Variants in DMXL2 observed in about 807,000 individuals in gnomAD.
DMXL2 encodes the protein Dmx like 2, also known as dmX-like protein 2.
A neutral mutation model predicts 331.1 loss-of-function variants in DMXL2; 103 were observed. The ratio of observed to expected loss-of-function variants is 0.31; its 90% CI spans 0.27 to 0.37. DMXL2 has a LOEUF of 0.37. DMXL2 is among the 10% of genes least tolerant of loss of function. The probability of loss-of-function intolerance (pLI) is 1.00; values close to 1 mark genes in which losing one functional copy is unlikely to be tolerated. For synonymous variants in DMXL2, 1,281 were observed against 1,252.1 expected, an observed-to-expected ratio of 1.02 and a Z score of -0.49; for missense variants, 3,171 against 3,642.9, an observed-to-expected ratio of 0.87 and a Z score of 3.33.
At chr15:51,613,255 G>T (rs989440365) in intron 1 of DMXL2, among the ~76,000 whole-genome samples, 2 of 152,152 alleles carry the variant, frequency 1.3e-5, no homozygotes, top group African/African-American at 4.8e-5. Context: ...TATTGACTGG[G>T]GAAGTGATAA....
chr15:51,514,682 A>G, intron 14 of DMXL2, 123 bp from the exon 15 acceptor site: 1 of 630,352 alleles, frequency 1.6e-6, no homozygotes, highest in Non-Finnish European at 2.7e-6. Flanking sequence ...ATTCTTTACC[A>G]CTACTAATTA....
intron 15 of DMXL2, among the ~76,000 whole-genome samples, chr15:51,512,901 A>T (rs912745438): frequency 3.9e-5 from 6 of 151,926 alleles, no homozygotes; most frequent in Non-Finnish European, 7.4e-5. Flanking sequence ...AACCTACATT[A>T]TGGGAATATG....
At chr15:51,617,305 C>T (rs1365179134) in intron 1 of DMXL2, among the ~76,000 whole-genome samples, 1 of 152,202 alleles carries the variant, frequency 6.6e-6, no homozygotes, top group Non-Finnish European at 1.5e-5. Context: ...AACACCATCA[C>T]ACTGGTCCCA....
intron 1 of DMXL2, among the ~76,000 whole-genome samples, chr15:51,594,907 T>C (rs72623976): frequency 2.6e-5 from 4 of 151,934 alleles, no homozygotes; most frequent in Admixed American, 1.3e-4. Flanking sequence ...ATTGATGGGT[T>C]GTATGTCAAA....
intron 3 of DMXL2, among the ~76,000 whole-genome samples, chr15:51,566,233 GT>G (rs1286388593): frequency 0.021 from 310 of 14,594 alleles, 3 homozygotes; most frequent in African/African-American, 0.08. Context: ...TGTGTGTGGG[GT>G]GTGTGTGTGT....
At chr15:51,486,537 T>C (rs2042407973) in intron 22 of DMXL2, among the ~76,000 whole-genome samples, 200 bp from the exon 23 acceptor site, 1 of 152,124 alleles carries the variant, frequency 6.6e-6, no homozygotes, top group Non-Finnish European at 1.5e-5. Context: ...GCTTCCAAAC[T>C]AGACAGATCA....
intron 1 of DMXL2, among the ~76,000 whole-genome samples, chr15:51,585,496 C>G (rs1217414752): frequency 6.6e-6 from 1 of 151,990 alleles, no homozygotes; most frequent in East Asian, 1.9e-4. Flanking sequence ...TGTTTCCAGT[C>G]TTTTACTATT....
At chr15:51,604,386 ATCCC>A in intron 1 of DMXL2, among the ~76,000 whole-genome samples, 1 of 151,534 alleles carries the variant, frequency 6.6e-6, no homozygotes. Flanking sequence ...TACACTGAAA[ATCCC>A]AAGAGATTTA....
Position 51,536,581 on chromosome 15 carries a change from G to T in DMXL2, c.1899C>A (p.Ala633=). 1 of 1,613,956 alleles carries T rather than the reference G, an allele frequency of 6.2e-7. No individual in the cohort carries two copies. Among genetic ancestry groups the T allele is most frequent in the Non-Finnish European group, 8.5e-7 (1 of 1,179,956 alleles). The stretch of plus-strand genomic sequence containing the variant: ...GAGATACAGTTAGAACAGTGGTAAA[G>T]GCAGACTTATCAGCAAAAGTGACTG... ...QWAVTFADKS[A]FTTVLTVSHK... is the part of the protein sequence containing the mutation. Residue 633 remains alanine (A), a synonymous_variant, in exon 12 of 44, where the codon GCC becomes GCA. Transcript: ENST00000560891.
At chr15:51,568,383 T>C in intron 3 of DMXL2, 104 bp downstream of exon 3, 2 of 688,320 alleles carry the variant, frequency 2.9e-6, no homozygotes, top group South Asian at 4.4e-5. Flanking sequence ...ACTGATACTC[T>C]AGTCTATTTT....
At chr15:51,608,961 C>A (rs1203009142) in intron 1 of DMXL2, among the ~76,000 whole-genome samples, 1 of 152,114 alleles carries the variant, frequency 6.6e-6, no homozygotes, top group Non-Finnish European at 1.5e-5. Context: ...ATAATAATGT[C>A]TTCCAGGGTT....
At chr15:51,571,903 A>C (rs1039508042) in intron 2 of DMXL2, among the ~76,000 whole-genome samples, 4 of 152,218 alleles carry the variant, frequency 2.6e-5, no homozygotes, top group African/African-American at 7.2e-5. Context: ...AAACATATTC[A>C]AAAGCTAGCA....
At chr15:51,475,482 A>T (rs1296866229) in intron 27 of DMXL2, among the ~76,000 whole-genome samples, 1 of 152,160 alleles carries the variant, frequency 6.6e-6, no homozygotes, top group African/African-American at 2.4e-5. Flanking sequence ...CGACAGAGCA[A>T]GACTCTGTCT....
At chr15:51,558,129 C>T (rs1265169512) in intron 6 of DMXL2, among the ~76,000 whole-genome samples, 1 of 152,194 alleles carries the variant, frequency 6.6e-6, no homozygotes. Flanking sequence ...ATGCCTGGCC[C>T]TCACCTGCCT....
At chr15:51,480,288 G>C (rs2041914566) in intron 24 of DMXL2, 149 bp from the exon 25 acceptor site, 1 of 863,076 alleles carries the variant, frequency 1.2e-6, no homozygotes, top group Non-Finnish European at 1.7e-6. Context: ...GTATGTACCA[G>C]GTACTATGCT....
At chr15:51,456,284 C>T (rs200088879) in intron 38 of DMXL2, 25 bp downstream of exon 38, 4 of 1,596,206 alleles carry the variant, frequency 2.5e-6, no homozygotes, top group African/African-American at 1.4e-5. Context: ...AGGACACTTA[C>T]AATTATTAGG....
intron 1 of DMXL2, among the ~76,000 whole-genome samples, chr15:51,581,019 G>A (rs1416559344): frequency 2.0e-5 from 3 of 152,108 alleles, no homozygotes; most frequent in Non-Finnish European, 4.4e-5. Flanking sequence ...TCTTTTCTTT[G>A]CTGTGGTACT....
intron 20 of DMXL2, among the ~76,000 whole-genome samples, 198 bp downstream of exon 20, chr15:51,491,380 A>G (rs1448106256): frequency 3.9e-5 from 6 of 152,050 alleles, no homozygotes; most frequent in Non-Finnish European, 8.8e-5. Flanking sequence ...GGCAGAGGTT[A>G]CAGTGAGCCA....
Position 51,471,249 on chromosome 15 carries a change from T to G in DMXL2, c.7366A>C (p.Ser2456Arg). 1.2e-6 allele frequency: 2 copies of G among 1,613,850 alleles called. No individual in the cohort carries two copies. The highest frequency in any genetic ancestry group is 4.5e-5 in the East Asian group (2 of 44,884). Reference sequence around the variant, plus strand: ...TTTGCAACAAAATAATCCCACATACTAAGTTCGGGAGGAATAAATTTTTCT... The same window carrying G: ...TTTGCAACAAAATAATCCCACATACGAAGTTCGGGAGGAATAAATTTTTCT... ...YKEKFIPPEL[S>R]MWDYFVAKPF... The change falls in exon 29 of 44, where the codon AGT becomes CGT. Residue 2456 changes from serine to arginine, a missense_variant. Physicochemically the swap from Ser to Arg is moderately radical, Grantham distance 110 (BLOSUM62 -1). Around this residue, in one of 7 missense-constraint regions of DMXL2, gnomAD observed 766 missense variants for 940.5 expected, o/e 0.81. Coordinates refer to ENST00000560891, the MANE Select transcript of DMXL2 (RefSeq NM_001378457.1).
Sources: gnomAD v4.1 joint callset for allele counts (sites outside exome capture counted in the v4.1 genomes callset) on GRCh38, gnomAD v4.1.1 for gene constraint, gnomAD v4.1.1 regional missense constraint, MANE v1.5 for transcripts, NCBI Gene and HGNC (gene_info 2026-07-23, HGNC 2026-07-21) for gene names.